ASCC3: variants seen among roughly 807,000 people sequenced by gnomAD.
ASCC3 encodes ASC-1 complex subunit P200.
A neutral mutation model predicts 256.3 loss-of-function variants in ASCC3; 158 were observed. That is an observed-to-expected ratio of 0.62 (90% CI 0.54 to 0.70). ASCC3 has a LOEUF of 0.70. Among genes scored for constraint, ASCC3 ranks in the 30% least tolerant of loss-of-function variants. The probability of loss-of-function intolerance (pLI) is 0.00; values close to 1 mark genes in which losing one functional copy is unlikely to be tolerated. For missense variants in ASCC3, 2,259 were observed against 2,626.0 expected (o/e 0.86, Z 3.05); for synonymous variants, 948 against 883.4 (o/e 1.07, Z -1.30).
intron 10 of ASCC3, among the ~76,000 whole-genome samples, chr6:100,726,845 C>T (rs1053543262): frequency 6.6e-6 from 1 of 151,966 alleles, no homozygotes; most frequent in Admixed American, 6.6e-5. Flanking sequence ...TTACTGTCAA[C>T]TTAAATTTCT....
In ASCC3 at chr6:100,664,577, T is replaced by A. The variant is rs186499919; in HGVS notation, c.2287-2041A>T. On this transcript the variant is annotated intron_variant, in intron 14 of 41. Coordinates refer to ENST00000369162, the MANE Select transcript of ASCC3 (RefSeq NM_006828.4). ...GCTTCTTAAAGTTTCAAGGGGGGTG[T>A]ATTCTTACTTTATTCTTATGCAGTG... is the stretch of plus-strand genomic sequence containing the variant. Among the ~76,000 whole-genome samples, 13 of 152,228 alleles carry A rather than the reference T, an allele frequency of 8.5e-5. No homozygotes were observed. In the East Asian group the frequency reaches 2.5e-3, roughly 29 times the overall value.
At chr6:100,806,360 G>C (rs1770182425) in intron 4 of ASCC3, among the ~76,000 whole-genome samples, 1 of 151,930 alleles carries the variant, frequency 6.6e-6, no homozygotes, top group Non-Finnish European at 1.5e-5. Flanking sequence ...TGCTAAATAA[G>C]TCTGAAATCT....
At chr6:100,857,740 T>C (rs1158306599) in intron 3 of ASCC3, 1 of 152,046 alleles carries the variant, frequency 6.6e-6, no homozygotes, top group Non-Finnish European at 1.5e-5. Context: ...TGTATACTTA[T>C]CTTTATAATA....
At chr6:100,666,683 A>T (rs902984033) in intron 14 of ASCC3, among the ~76,000 whole-genome samples, 1 of 152,154 alleles carries the variant, frequency 6.6e-6, no homozygotes, top group African/African-American at 2.4e-5. Flanking sequence ...TTACAGAAGG[A>T]TATTTGCAAT....
chr6:100,520,152 T>A lies in ASCC3; in HGVS notation c.5776-2010A>T, dbSNP rs150470822. Among the ~76,000 whole-genome samples, 3 of 152,266 alleles carry A rather than the reference T, an allele frequency of 2.0e-5. No homozygotes were observed. The East Asian group carries it at 5.8e-4, about 29-fold the overall frequency. On this transcript the variant is annotated intron_variant, in intron 37 of 41. Transcript: ENST00000369162. ...AATTATTCTTTATTCTCATCTAATTTCTTTTCAATCTGTACTTTACATTGT... is the reference window on the plus strand; with the variant it reads ...AATTATTCTTTATTCTCATCTAATTACTTTTCAATCTGTACTTTACATTGT...
intron 14 of ASCC3, among the ~76,000 whole-genome samples, chr6:100,674,694 G>A (rs1242365967): frequency 4.0e-5 from 6 of 148,858 alleles, no homozygotes; most frequent in African/African-American, 5.0e-5. Context: ...GTGCAGTGGC[G>A]CGATCTTGGC....
At chr6:100,515,210 A>T (rs1773962996) in intron 39 of ASCC3, among the ~76,000 whole-genome samples, 1 of 152,208 alleles carries the variant, frequency 6.6e-6, no homozygotes, top group Admixed American at 6.6e-5. Flanking sequence ...GTTTTGATTT[A>T]AATATATTGT....
chr6:100,841,838 T>G (rs1772158405), intron 4 of ASCC3, among the ~76,000 whole-genome samples: 1 of 152,070 alleles, frequency 6.6e-6, no homozygotes, highest in South Asian at 2.1e-4. Flanking sequence ...AAAGAAATAA[T>G]TTACAAGATA....
At chr6:100,721,736 C>T (rs1185733743) in intron 11 of ASCC3, among the ~76,000 whole-genome samples, 1 of 151,566 alleles carries the variant, frequency 6.6e-6, no homozygotes, top group Non-Finnish European at 1.5e-5. Flanking sequence ...AATATTTCTA[C>T]AATTTCATTT....
intron 21 of ASCC3, 113 bp downstream of exon 21, chr6:100,647,113 G>T: frequency 3.0e-6 from 3 of 1,006,878 alleles, no homozygotes; most frequent in Non-Finnish European, 4.5e-6. Flanking sequence ...TTATAAATAC[G>T]GTAAAATTTT....
In ASCC3 at chr6:100,843,541, A is replaced by T. The variant is rs181986420; in HGVS notation, c.801+4607T>A. 2.6e-5 allele frequency among the ~76,000 whole-genome samples: 4 copies of T among 152,336 alleles called. No individual in the cohort carries two copies. The East Asian group carries it at 7.7e-4, about 29-fold the overall frequency. ...CATCAGCATTAATAGCTTTGCAAAT[A>T]GCATGTAATATTGAAATAATACTGA... On this transcript the variant is annotated intron_variant, in intron 4 of 41. Transcript: ENST00000369162.
At chr6:100,573,390 G>A (rs1770696546) in intron 36 of ASCC3, among the ~76,000 whole-genome samples, 1 of 152,000 alleles carries the variant, frequency 6.6e-6, no homozygotes, top group Non-Finnish European at 1.5e-5. Flanking sequence ...CCCACCTGCT[G>A]GACCAAAGAG....
At chr6:100,698,699 G>A (rs1055832117) in intron 13 of ASCC3, among the ~76,000 whole-genome samples, 20 of 152,152 alleles carry the variant, frequency 1.3e-4, no homozygotes, top group Admixed American at 4.6e-4. Context: ...GGAGAATACT[G>A]ACATTCTTTC....
At chr6:100,836,355 C>G (rs1771874188) in intron 4 of ASCC3, among the ~76,000 whole-genome samples, 1 of 152,026 alleles carries the variant, frequency 6.6e-6, no homozygotes, top group Admixed American at 6.6e-5. Flanking sequence ...CAACTTTTCC[C>G]TATTCAATAT....
intron 13 of ASCC3, among the ~76,000 whole-genome samples, chr6:100,695,218 C>CA (rs1337140543): frequency 6.6e-6 from 1 of 151,820 alleles, no homozygotes; most frequent in Non-Finnish European, 1.5e-5. Context: ...TCCAGAAAGA[C>CA]AAAATAAGGT....
chr6:100,676,661 C>T (rs910915189), intron 14 of ASCC3, among the ~76,000 whole-genome samples: 1 of 152,156 alleles, frequency 6.6e-6, no homozygotes, highest in Non-Finnish European at 1.5e-5. Flanking sequence ...GTAACTGTTA[C>T]TACCAGAGAG....
intron 2 of ASCC3, 42 bp downstream of exon 2, chr6:100,867,866 G>T: frequency 6.8e-7 from 1 of 1,465,890 alleles, no homozygotes; most frequent in Non-Finnish European, 9.5e-7. Context: ...CATAGTCTGT[G>T]TTTATAATAA....
At chr6:100,839,192 G>C (rs1487692615) in intron 4 of ASCC3, among the ~76,000 whole-genome samples, 1 of 152,020 alleles carries the variant, frequency 6.6e-6, no homozygotes, top group Non-Finnish European at 1.5e-5. Flanking sequence ...CTTCTTAAAT[G>C]TATGTATGAA....
chr6:100,697,446 T>C (rs1445244087), intron 13 of ASCC3, among the ~76,000 whole-genome samples: 2 of 152,036 alleles, frequency 1.3e-5, no homozygotes, highest in South Asian at 2.1e-4. Flanking sequence ...TAATACATAA[T>C]AGAGGCAAAG....
Sources: allele counts gnomAD v4.1 joint callset (sites outside exome capture counted in the v4.1 genomes callset), GRCh38; gene constraint gnomAD v4.1.1; transcripts MANE v1.5; gene names NCBI Gene and HGNC (gene_info 2026-07-23, HGNC 2026-07-21).